The following HNRNPF variants were observed in gnomAD, a reference collection of about 807,000 sequenced individuals.
HNRNPF encodes the protein HnRNP F protein.
HNRNPF carries 2 observed loss-of-function variants against 26.0 expected under a neutral mutation model. The observed-to-expected ratio is 0.08, with a 90% confidence interval of 0.03 to 0.24. The LOEUF (loss-of-function observed/expected upper bound fraction) is 0.24. Ranked by LOEUF, HNRNPF falls within the 10% of genes least tolerant of loss-of-function variation. The probability of loss-of-function intolerance (pLI) is 1.00; values close to 1 mark genes in which losing one functional copy is unlikely to be tolerated. For synonymous variants in HNRNPF, 234 were observed against 211.5 expected (o/e 1.11, Z -0.92); for missense variants, 299 against 539.2 (o/e 0.55, Z 4.41).
intron 1 of HNRNPF, among the ~76,000 whole-genome samples, chr10:43,404,851 AC>A (rs1429047738): frequency 6.6e-6 from 1 of 152,132 alleles, no homozygotes; most frequent in East Asian, 1.9e-4. Context: ...AAAACCAAAA[AC>A]TACCTCTAGA....
intron 3 of HNRNPF, among the ~76,000 whole-genome samples, chr10:43,393,121 C>A (rs1838318581): frequency 1.3e-5 from 2 of 152,226 alleles, no homozygotes; most frequent in South Asian, 4.1e-4. Flanking sequence ...AAAGGTGCCT[C>A]ACAGCTCTAC....
chr10:43,394,804 G>A (rs1053654127), intron 2 of HNRNPF, 116 bp from the exon 3 acceptor site: 1 of 152,100 alleles, frequency 6.6e-6, no homozygotes, highest in Non-Finnish European at 1.5e-5. Context: ...TATAGCCCGT[G>A]GGTTTAAATT....
chr10:43,402,542 A>C (rs561260928), intron 1 of HNRNPF, among the ~76,000 whole-genome samples: 2 of 152,196 alleles, frequency 1.3e-5, no homozygotes, highest in African/African-American at 4.8e-5. Flanking sequence ...ATTTGTTACT[A>C]GTCTGTATTA....
At chr10:43,405,149 G>A (rs1589001098) in intron 1 of HNRNPF, among the ~76,000 whole-genome samples, 1 of 152,160 alleles carries the variant, frequency 6.6e-6, no homozygotes, top group African/African-American at 2.4e-5. Flanking sequence ...ATGAAAAAGT[G>A]TTTTAAAATT....
chr10:43,389,180 G>A (rs1418923098), intron 3 of HNRNPF, among the ~76,000 whole-genome samples: 3 of 151,916 alleles, frequency 2.0e-5, no homozygotes, highest in African/African-American at 4.8e-5. Flanking sequence ...CCATGTTGGC[G>A]AGGTTGGTCT....
At chr10:43,392,581 T>A (rs917561200) in intron 3 of HNRNPF, among the ~76,000 whole-genome samples, 4 of 152,178 alleles carry the variant, frequency 2.6e-5, no homozygotes, top group African/African-American at 9.7e-5. Context: ...TATACAGATC[T>A]CCATGGCAAG....
intron 1 of HNRNPF, among the ~76,000 whole-genome samples, chr10:43,408,533 AAATC>A: frequency 6.6e-6 from 1 of 152,154 alleles, no homozygotes; most frequent in South Asian, 2.1e-4. Flanking sequence ...CCCTGATCCC[AAATC>A]CCAGCCCCAG....
rs529060580 is a variant in HNRNPF, at chr10:43,407,572, G to A, written c.-247+1559C>T. On this transcript the variant is annotated intron_variant, in intron 1 of 3. Transcript: ENST00000682386. ...GAGCCGGGCAGCCGGCGCAGCAGGAGCCGGGCCCCGTCCACAAGTTTCCTA... is the reference window on the plus strand; with the variant it reads ...GAGCCGGGCAGCCGGCGCAGCAGGAACCGGGCCCCGTCCACAAGTTTCCTA... 2.6e-5 allele frequency: 4 copies of A among 152,316 alleles called. No homozygotes were observed. The South Asian group carries it at 8.3e-4, about 32-fold the overall frequency. 9.4% of individuals were successfully genotyped at this position (152,316 alleles called of 1,614,324 possible). A position where few individuals can be genotyped will look rare whatever the true frequency, so the allele number is the denominator to read the frequency against.
At chr10:43,400,880 G>C (rs1315200866) in intron 1 of HNRNPF, among the ~76,000 whole-genome samples, 1 of 149,426 alleles carries the variant, frequency 6.7e-6, no homozygotes, top group African/African-American at 2.5e-5. Context: ...GGTGGATCAC[G>C]AGGTCAGGAG....
chr10:43,386,946 G>A lies in HNRNPF; in HGVS notation c.939C>T (p.Asn313=), dbSNP rs756743272. 8.1e-6 allele frequency: 13 copies of A among 1,614,140 alleles called. No individual in the cohort carries two copies. The highest frequency in any genetic ancestry group is 4.5e-5 in the East Asian group (2 of 44,882). ...CAATCTCAATATGGACTCTCACAGG[G>A]TTGAGAGGAGAGAAGAAGTTGTAAA... ...NDIYNFFSPL[N]PVRVHIEIGP... Residue 313 remains asparagine (N), a synonymous_variant, in exon 4 of 4, where the codon AAC becomes AAT. Transcript: ENST00000682386.
At chr10:43,407,833 G>A (rs1380496829) in intron 1 of HNRNPF, 1 of 152,206 alleles carries the variant, frequency 6.6e-6, no homozygotes, top group Non-Finnish European at 1.5e-5. Flanking sequence ...GTGGGAGGAG[G>A]GCGGAGCCAA....
At chr10:43,390,295 C>T (rs1354034985) in intron 3 of HNRNPF, among the ~76,000 whole-genome samples, 2 of 152,096 alleles carry the variant, frequency 1.3e-5, no homozygotes, top group African/African-American at 2.4e-5. Context: ...TCAGGCTAGG[C>T]ACCGCCTGTC....
chr10:43,404,579 T>A (rs929789180), intron 1 of HNRNPF, among the ~76,000 whole-genome samples: 7 of 151,872 alleles, frequency 4.6e-5, no homozygotes, highest in South Asian at 2.1e-4. Flanking sequence ...ACCTCCAGAC[T>A]GGGTGCGGTG....
intron 1 of HNRNPF, among the ~76,000 whole-genome samples, chr10:43,408,153 G>A (rs1276021210): frequency 6.6e-6 from 1 of 152,090 alleles, no homozygotes; most frequent in Non-Finnish European, 1.5e-5. Flanking sequence ...GAACTCCTGG[G>A]CTCAAGAGAT....
rs536278305 is a variant in HNRNPF at position 43,390,143 on chromosome 10, G to A, written c.-52-2207C>T. Among the ~76,000 whole-genome samples the A allele has an allele frequency of 2.0e-4, 31 of 152,274 alleles. No homozygotes were observed. The South Asian group carries it at 3.3e-3, about 16-fold the overall frequency. On this transcript the variant is annotated intron_variant, in intron 3 of 3. Coordinates refer to ENST00000682386, the MANE Select transcript of HNRNPF (RefSeq NM_001098204.2). The stretch of plus-strand genomic sequence containing the variant: ...AGCAGATTCTTCCTCTCCTGTCCAC[G>A]GAGGGAATTCTGTGCTAACAGTTCA...
intron 3 of HNRNPF, among the ~76,000 whole-genome samples, chr10:43,390,182 GGA>G (rs1168218072): frequency 6.6e-6 from 1 of 152,180 alleles, no homozygotes. Context: ...GCTCCTCCTT[GGA>G]GAGTCAGGGC....
At chr10:43,404,689 C>T (rs531986178) in intron 1 of HNRNPF, among the ~76,000 whole-genome samples, 120 of 152,062 alleles carry the variant, frequency 7.9e-4, no homozygotes, top group African/African-American at 2.7e-3. Flanking sequence ...GATACTCCGT[C>T]TCTACTAAAA....
Position 43,387,996 on chromosome 10 carries a change from AGAC to A in HNRNPF, c.-52-63_-52-61del. 1 of 843,840 alleles carries A rather than the reference AGAC, an allele frequency of 1.2e-6. No homozygotes were observed. Among genetic ancestry groups the A allele is most frequent in the Non-Finnish European group, 1.8e-6 (1 of 549,188 alleles). The allele number at this position is 843,840 out of a possible 1,614,324, so 52.3% of individuals were successfully genotyped here. A position where few individuals can be genotyped will look rare whatever the true frequency, so the allele number is the denominator to read the frequency against. ...GCAACAGAAATTTTCCCCATTTTAC[AGAC>A]GAGAGAGGTAGCAAGACATTAAGAA... is the stretch of plus-strand genomic sequence containing the variant. On this transcript the variant is annotated intron_variant, in intron 3 of 3. Transcript: ENST00000682386. The surrounding 1 kb of genome is among the most constrained non-coding windows in gnomAD (Gnocchi z 6.0).
At chr10:43,390,571 A>T (rs528562081) in intron 3 of HNRNPF, among the ~76,000 whole-genome samples, 182 of 152,222 alleles carry the variant, frequency 1.2e-3, no homozygotes, top group African/African-American at 4.2e-3. Flanking sequence ...CCTTATCCAC[A>T]CAGCCTCTTT....
Sources: gnomAD v4.1 joint callset for allele counts (sites outside exome capture counted in the v4.1 genomes callset) on GRCh38, gnomAD v4.1.1 for gene constraint, Gnocchi (gnomAD v3.1) non-coding constraint, MANE v1.5 for transcripts, NCBI Gene and HGNC (gene_info 2026-07-23, HGNC 2026-07-21) for gene names.